Variants in TTC28 observed in about 807,000 individuals in gnomAD.
TTC28 encodes the protein tetratricopeptide repeat protein 28.
TTC28 carries 61 observed loss-of-function variants against 198.0 expected under a neutral mutation model. That is an observed-to-expected ratio of 0.31 (90% confidence interval 0.25 to 0.38). The LOEUF is 0.38. Among genes scored for constraint, TTC28 ranks in the 10% least tolerant of loss-of-function variants. TTC28 has a pLI of 1.00. For synonymous variants in TTC28, 1,171 were observed against 1,297.8 expected (o/e 0.90, Z 2.10); for missense variants, 2,678 against 3,164.0 (o/e 0.85, Z 3.69).
intron 5 of TTC28, among the ~76,000 whole-genome samples, chr22:28,230,366 C>T (rs1928709195): frequency 1.3e-5 from 2 of 152,172 alleles, no homozygotes; most frequent in African/African-American, 4.8e-5. Flanking sequence ...GCTTACTGAT[C>T]CTGCTGAAGC....
intron 12 of TTC28, among the ~76,000 whole-genome samples, chr22:28,043,862 G>A (rs1277023496): frequency 6.6e-6 from 1 of 152,164 alleles, no homozygotes; most frequent in African/African-American, 2.4e-5. Flanking sequence ...GAGTCAGTGG[G>A]TAGAGAGAGT....
intron 2 of TTC28, among the ~76,000 whole-genome samples, chr22:28,616,385 T>C (rs939061627): frequency 3.9e-5 from 6 of 152,206 alleles, no homozygotes; most frequent in African/African-American, 1.4e-4. Context: ...ATAATAAGCA[T>C]TCAATAAGAG....
chr22:28,481,932 A>C (rs918303145), intron 2 of TTC28, among the ~76,000 whole-genome samples: 4 of 152,202 alleles, frequency 2.6e-5, no homozygotes, highest in African/African-American at 4.8e-5. Flanking sequence ...ACAGTCAGTC[A>C]GCCCCATGGG....
At chr22:28,229,437 C>G (rs575082339) in intron 5 of TTC28, among the ~76,000 whole-genome samples, 1 of 152,190 alleles carries the variant, frequency 6.6e-6, no homozygotes, top group East Asian at 1.9e-4. Flanking sequence ...AAAAAGCTGA[C>G]TCCAAAACTA....
At chr22:28,256,493 G>A (rs1212892401) in intron 5 of TTC28, among the ~76,000 whole-genome samples, 1 of 151,184 alleles carries the variant, frequency 6.6e-6, no homozygotes, top group Non-Finnish European at 1.5e-5. Flanking sequence ...AGAGATTAAT[G>A]TAAGAGTTAA....
intron 19 of TTC28, 147 bp downstream of exon 19, chr22:27,992,440 T>G (rs907081703): frequency 6.1e-6 from 5 of 815,706 alleles, no homozygotes; most frequent in South Asian, 5.4e-5. Flanking sequence ...GGCTATTCTC[T>G]TACTCCCGGC....
intron 13 of TTC28, among the ~76,000 whole-genome samples, chr22:28,016,538 T>C (rs1303448694): frequency 6.6e-6 from 1 of 152,174 alleles, no homozygotes; most frequent in Admixed American, 6.5e-5. Context: ...ACAATCTAGA[T>C]GATGGCCTGG....
chr22:28,185,496 T>C (rs974142307), intron 5 of TTC28, among the ~76,000 whole-genome samples: 2 of 152,096 alleles, frequency 1.3e-5, no homozygotes, highest in African/African-American at 4.8e-5. Context: ...AAATAAAATC[T>C]TTCTTAGAAA....
chr22:28,586,336 T>C (rs2146075471), intron 2 of TTC28, among the ~76,000 whole-genome samples: 1 of 151,976 alleles, frequency 6.6e-6, no homozygotes, highest in Non-Finnish European at 1.5e-5. Context: ...GTGTTTTAGT[T>C]ACATCTGTAT....
intron 5 of TTC28, among the ~76,000 whole-genome samples, chr22:28,196,737 G>C (rs1053270615): frequency 1.3e-5 from 2 of 150,824 alleles, no homozygotes; most frequent in African/African-American, 4.8e-5. Flanking sequence ...AACCACACCA[G>C]TTAGTATGGC....
At chr22:28,544,965 C>A (rs1253649060) in intron 2 of TTC28, among the ~76,000 whole-genome samples, 1 of 152,196 alleles carries the variant, frequency 6.6e-6, no homozygotes, top group Non-Finnish European at 1.5e-5. Context: ...CTCAATCGAG[C>A]AGCCCATGAG....
intron 6 of TTC28, among the ~76,000 whole-genome samples, chr22:28,146,962 A>G (rs2147003184): frequency 6.6e-6 from 1 of 152,332 alleles, no homozygotes; most frequent in East Asian, 1.9e-4. Flanking sequence ...AAATGAAAGC[A>G]TTCACTCCCA....
At chr22:28,238,254 T>A (rs1474204693) in intron 5 of TTC28, among the ~76,000 whole-genome samples, 2 of 152,172 alleles carry the variant, frequency 1.3e-5, no homozygotes, top group Non-Finnish European at 2.9e-5. Context: ...CACTGAGGTT[T>A]TATTAATTTT....
intron 2 of TTC28, among the ~76,000 whole-genome samples, chr22:28,344,464 T>A (rs2045877490): frequency 6.6e-6 from 1 of 152,084 alleles, no homozygotes; most frequent in Non-Finnish European, 1.5e-5. Flanking sequence ...AATCCAAGAA[T>A]ATGAAAGCAT....
rs1238477847 is a variant in TTC28, at chr22:28,580,983, T to G, written c.381+48569A>C. Among the ~76,000 whole-genome samples the G allele has an allele frequency of 3.3e-5, 5 of 152,238 alleles. No individual in the cohort carries two copies. In the East Asian group the frequency reaches 9.6e-4, roughly 29 times the overall value. ...CCTCTCTTCCTTAAGAAAAATATATTTATAAAAAATAAAGTAAAATTAATT... is the reference window on the plus strand; with the variant it reads ...CCTCTCTTCCTTAAGAAAAATATATGTATAAAAAATAAAGTAAAATTAATT... On this transcript the variant is annotated intron_variant, in intron 2 of 22. Coordinates refer to ENST00000397906, the MANE Select transcript of TTC28 (RefSeq NM_001145418.2).
intron 2 of TTC28, among the ~76,000 whole-genome samples, chr22:28,329,475 C>T (rs941097884): frequency 9.2e-5 from 14 of 152,232 alleles, no homozygotes; most frequent in African/African-American, 2.9e-4. Context: ...CAATCACAAG[C>T]TAATATAGCT....
chr22:28,155,403 C>T (rs1943728643), intron 6 of TTC28, among the ~76,000 whole-genome samples: 3 of 152,148 alleles, frequency 2.0e-5, no homozygotes, highest in Non-Finnish European at 2.9e-5. Context: ...CAGAGTAGAA[C>T]ATAGTTCATA....
At chr22:28,131,530 A>G (rs1429066069) in intron 6 of TTC28, among the ~76,000 whole-genome samples, 1 of 152,192 alleles carries the variant, frequency 6.6e-6, no homozygotes, top group African/African-American at 2.4e-5. Context: ...GCATCTCAAG[A>G]GCATATCATA....
chr22:28,207,321 C>T (rs781186221), intron 5 of TTC28, among the ~76,000 whole-genome samples: 5 of 150,530 alleles, frequency 3.3e-5, no homozygotes, highest in Non-Finnish European at 7.4e-5. Context: ...AAAATCACTA[C>T]AAGCATTCCA....
Sources: allele counts gnomAD v4.1 joint callset (sites outside exome capture counted in the v4.1 genomes callset), GRCh38; gene constraint gnomAD v4.1.1; transcripts MANE v1.5; gene names NCBI Gene and HGNC (gene_info 2026-07-23, HGNC 2026-07-21).